ENG: variants seen among roughly 807,000 people sequenced by gnomAD.
ENG encodes CD105 antigen.
A neutral mutation model predicts 71.0 loss-of-function variants in ENG; 17 were observed. The ratio of observed to expected loss-of-function variants is 0.24; its 90% confidence interval spans 0.16 to 0.36. The LOEUF (loss-of-function observed/expected upper bound fraction) is 0.36, where lower values mean the gene tolerates loss of function less well. Ranked by LOEUF, ENG falls within the 10% of genes least tolerant of loss-of-function variation. The pLI is 1.00. For synonymous variants in ENG, 360 were observed against 366.9 expected (o/e 0.98, Z 0.21); for missense variants, 749 against 868.3 (o/e 0.86, Z 1.73).
At chr9:127,826,824 G>T in intron 3 of ENG, 152 bp from the exon 4 acceptor site, 1 of 1,044,514 alleles carries the variant, frequency 9.6e-7, no homozygotes, top group Non-Finnish European at 1.4e-6. Context: ...TCTGCAGTCA[G>T]CCCGGAGCCC....
chr9:127,846,775 C>T lies in ENG; in HGVS notation c.68-3530G>A, dbSNP rs529536985. Among the ~76,000 whole-genome samples the T allele has an allele frequency of 1.8e-4, 27 of 152,246 alleles. No individual in the cohort carries two copies. The highest frequency in any genetic ancestry group is 3.5e-4 in the Non-Finnish European group (24 of 68,012). On this transcript the variant is annotated intron_variant, in intron 1 of 14. Coordinates refer to ENST00000373203, the MANE Select transcript of ENG (RefSeq NM_001114753.3). The surrounding 1 kb of genome is among the most constrained non-coding windows in gnomAD (Gnocchi z 5.5). ...AACAATCCCCTGGCACCAAGGGAAA[C>T]GCCAGGGCCTCCCGGGACTGGGTCA... is the stretch of plus-strand genomic sequence containing the variant.
At chr9:127,825,669 T>C (rs1278818479) in intron 5 of ENG, 26 bp downstream of exon 5, 2 of 1,439,012 alleles carry the variant, frequency 1.4e-6, no homozygotes, top group African/African-American at 3.3e-5. Flanking sequence ...TGGGGACTAG[T>C]GTCAGGGGCG....
At chr9:127,818,969 G>A (rs1298834723) in intron 10 of ENG, 137 bp from the exon 11 acceptor site, 15 of 747,560 alleles carry the variant, frequency 2.0e-5, no homozygotes, top group South Asian at 1.6e-4. Flanking sequence ...ACGGAGTCTC[G>A]CTCTGTCGCC....
At chr9:127,840,861 T>C (rs991366424) in intron 2 of ENG, among the ~76,000 whole-genome samples, 1 of 152,216 alleles carries the variant, frequency 6.6e-6, no homozygotes, top group Non-Finnish European at 1.5e-5. Context: ...AGGGAGATTT[T>C]GTTGTCATGA....
chr9:127,849,120 A>G (rs1433150815), intron 1 of ENG, among the ~76,000 whole-genome samples: 1 of 151,838 alleles, frequency 6.6e-6, no homozygotes, highest in Non-Finnish European at 1.5e-5. Flanking sequence ...TCACCCCGCC[A>G]CTCTGGCTCA....
chr9:127,834,546 A>C (rs1021573464), intron 2 of ENG, among the ~76,000 whole-genome samples: 2 of 152,208 alleles, frequency 1.3e-5, no homozygotes, highest in Non-Finnish European at 2.9e-5. Flanking sequence ...CTGGGATTAC[A>C]GGCACCTGCC....
rs1203167788 is a variant in ENG at position 127,825,371 on chromosome 9, G to A, written c.690-14C>T. 1 of 1,608,738 alleles carries A rather than the reference G, an allele frequency of 6.2e-7. No individual in the cohort carries two copies. Reference sequence around the variant, plus strand: ...ACCGTCCGGGGCCTGCGGGGAGACAGACGCGGATGGAACACTGAAGCGGAC... The same window carrying A: ...ACCGTCCGGGGCCTGCGGGGAGACAAACGCGGATGGAACACTGAAGCGGAC... On this transcript the variant is annotated splice_polypyrimidine_tract_variant and intron_variant, in intron 5 of 14. Transcript: ENST00000373203.
intron 2 of ENG, among the ~76,000 whole-genome samples, chr9:127,834,379 A>G (rs1830844602): frequency 6.6e-6 from 1 of 152,038 alleles, no homozygotes; most frequent in Non-Finnish European, 1.5e-5. Flanking sequence ...CTGGGACTAC[A>G]GGTGTGCGCC....
rs766969943 is a variant in ENG at position 127,825,823 on chromosome 9, G to T, written c.561C>A (p.Ser187Arg). ...GSLSFCMLEA[S>R]QDMGRTLEWR... ...ACTCGAGCGTGCGGCCCATGTCCTG[G>T]CTGGCTTCCAGCATGCAGAAGGACA... is the stretch of plus-strand genomic sequence containing the variant. Residue 187 changes from serine to arginine, a missense_variant, in exon 5 of 15, where the codon AGC becomes AGA. Coordinates refer to ENST00000373203, the MANE Select transcript of ENG (RefSeq NM_001114753.3). 2 of 1,597,810 alleles carry T rather than the reference G, an allele frequency of 1.3e-6. No homozygotes were observed.
rs1351794162 is a variant in ENG, at chr9:127,818,181, G to A, written c.1625C>T (p.Pro542Leu). The change falls in exon 12 of 15, where the codon CCC becomes CTC. Residue 542 changes from proline to leucine, a missense_variant. By Grantham distance (98) the Pro-to-Leu change is moderately conservative (BLOSUM62 -3). Coordinates refer to ENST00000373203, the MANE Select transcript of ENG (RefSeq NM_001114753.3). ...CGTGCAGCTGAGGGTGCCGGTTTTG[G>A]GTATGGGTACTGTGTAGAAGTGGAG... ...FLLHFYTVPI[P>L]KTGTLSCTVA... 6.2e-7 allele frequency: 1 copy of A among 1,614,108 alleles called. No homozygotes were observed. Among genetic ancestry groups the A allele is most frequent in the Admixed American group, 1.7e-5 (1 of 60,008 alleles).
rs376337988 is a variant in ENG, at chr9:127,825,628, C to CCG, written c.689+66_689+67insCG. ...GCTTTATAAGGGACCGGAGAGGGGG[C>CCG]GGGGGGGGTCAGGGGGGTGGTCTCT... On this transcript the variant is annotated intron_variant, in intron 5 of 14. Transcript: ENST00000373203. The CCG allele has an allele frequency of 4.6e-6, 5 of 1,079,840 alleles. No homozygotes were observed. In the Admixed American group the frequency reaches 1.5e-4, roughly 32 times the overall value. 66.9% of individuals were successfully genotyped at this position (1,079,840 alleles called of 1,614,324 possible). A position where few individuals can be genotyped will look rare whatever the true frequency, so the allele number is the denominator to read the frequency against.
At position 127,828,697 on chromosome 9, in the gene ENG, C is replaced by T. The variant is rs937545118; in HGVS notation, c.360+990G>A. Among the ~76,000 whole-genome samples the T allele has an allele frequency of 3.3e-5, 5 of 152,136 alleles. No homozygotes were observed. In the South Asian group the frequency reaches 8.3e-4, roughly 25 times the overall value. On this transcript the variant is annotated intron_variant, in intron 3 of 14. Transcript: ENST00000373203. Reference sequence around the variant, plus strand: ...GGCCCTGGTGGTTGGATTTGGCCCCCTCCCTCCTAGGACTTTGGCATGCTG... The same window carrying T: ...GGCCCTGGTGGTTGGATTTGGCCCCTTCCCTCCTAGGACTTTGGCATGCTG...
intron 8 of ENG, chr9:127,822,314 G>T (rs1830486918): frequency 2.0e-5 from 3 of 152,168 alleles, no homozygotes; most frequent in African/African-American, 7.2e-5. Context: ...CACTGGCAAA[G>T]GTTTCTCTTT....
At chr9:127,852,824 C>G (rs978768789) in intron 1 of ENG, among the ~76,000 whole-genome samples, 3 of 152,130 alleles carry the variant, frequency 2.0e-5, no homozygotes, top group African/African-American at 7.2e-5. Flanking sequence ...GAGCTCCCCA[C>G]CCCGTTGTTA....
intron 14 of ENG, 38 bp from the exon 15 acceptor site, chr9:127,815,844 T>G: frequency 6.5e-7 from 1 of 1,549,944 alleles, no homozygotes; most frequent in Non-Finnish European, 8.7e-7. Flanking sequence ...GAGGTCAGGG[T>G]CCTGGCCAGG....
At position 127,841,717 on chromosome 9, in the gene ENG, G is replaced by A. The variant is rs553899883; in HGVS notation, c.219+1377C>T. Among the ~76,000 whole-genome samples, 117 of 152,308 alleles carry A rather than the reference G, an allele frequency of 7.7e-4. 1 individual carries two copies. The highest frequency in any genetic ancestry group is 2.7e-3 in the African/African-American group (111 of 41,572). ...TAAGTTTACCCGGAGCTGACACGGC[G>A]AAGTCAGTATCGGGACCAAAGGCCA... On this transcript the variant is annotated intron_variant, in intron 2 of 14. Coordinates refer to ENST00000373203, the MANE Select transcript of ENG (RefSeq NM_001114753.3).
In ENG at chr9:127,815,728, A is replaced by C. The variant is rs751031341; in HGVS notation, c.1931T>G (p.Ile644Ser). 3.2e-6 allele frequency: 5 copies of C among 1,559,792 alleles called. No individual in the cohort carries two copies. Among genetic ancestry groups the C allele is most frequent in the Non-Finnish European group, 4.3e-6 (5 of 1,157,672 alleles). Residue 644 changes from isoleucine (I) to serine (S), a missense_variant, in exon 15 of 15, where the codon ATC becomes AGC. By Grantham distance (142) the Ile-to-Ser change is moderately radical. Coordinates refer to ENST00000373203, the MANE Select transcript of ENG (RefSeq NM_001114753.3). ...GCAGGGGGTGCTCTGGGTGCTCCCG[A>C]TGCTGTGGTTGGTGCTGCTGCTCTC... The part of the protein sequence containing the change: ...SSESSSTNHS[I>S]GSTQSTPCST...
chr9:127,826,809 G>C, intron 3 of ENG, 137 bp from the exon 4 acceptor site: 2 of 1,197,846 alleles, frequency 1.7e-6, no homozygotes, highest in Non-Finnish European at 2.3e-6. Context: ...ATGCTGGCTG[G>C]TGGATCTGCA....
intron 11 of ENG, 133 bp downstream of exon 11, chr9:127,818,583 C>T (rs983520490): frequency 2.9e-6 from 4 of 1,369,320 alleles, no homozygotes; most frequent in Admixed American, 1.7e-5. Flanking sequence ...CTGTCTCTCC[C>T]TCTCCCGTGC....
Sources: allele counts gnomAD v4.1 joint callset (sites outside exome capture counted in the v4.1 genomes callset), GRCh38; gene constraint gnomAD v4.1.1; non-coding constraint Gnocchi (gnomAD v3.1); transcripts MANE v1.5; gene names NCBI Gene and HGNC (gene_info 2026-07-23, HGNC 2026-07-21).